Variants in FGF13 observed in about 807,000 individuals in gnomAD.
FGF13 encodes the protein fibroblast growth factor homologous factor 2.
FGF13 carries 2 observed loss-of-function variants against 19.5 expected under a neutral mutation model. That is an observed-to-expected ratio of 0.10 (90% CI 0.04 to 0.32). FGF13 has a LOEUF of 0.32. FGF13 is among the 10% of genes least tolerant of loss of function. The probability of loss-of-function intolerance (pLI) is 1.00; values close to 1 mark genes in which losing one functional copy is unlikely to be tolerated. For synonymous variants in FGF13, 72 were observed against 76.9 expected, an observed-to-expected ratio of 0.94 and a Z score of 0.33; for missense variants, 113 against 192.7, an observed-to-expected ratio of 0.59 and a Z score of 2.45.
At chrX:138,917,546 C>T (rs1169464212) in intron 1 of FGF13, among the ~76,000 whole-genome samples, 1 of 111,855 alleles carries the variant, frequency 8.9e-6, no homozygotes, top group Non-Finnish European at 1.9e-5. Flanking sequence ...AACTAAGACA[C>T]CCACACTTCA....
intron 1 of FGF13, among the ~76,000 whole-genome samples, chrX:138,941,507 G>C (rs1186560496): frequency 9.0e-6 from 1 of 111,719 alleles, no homozygotes; most frequent in Non-Finnish European, 1.9e-5. Context: ...GGAGGTGAAA[G>C]ATTTCTACCA....
intron 3 of FGF13, among the ~76,000 whole-genome samples, chrX:138,684,629 G>A (rs1260635172): frequency 3.6e-5 from 4 of 111,435 alleles, no homozygotes; most frequent in Admixed American, 9.6e-5. Flanking sequence ...ACAAACATTT[G>A]GAAATAAAGG....
chrX:138,833,245 T>A (rs1345948110), intron 3 of FGF13, among the ~76,000 whole-genome samples: 2 of 112,303 alleles, frequency 1.8e-5, no homozygotes, highest in Admixed American at 9.4e-5. Context: ...TATAAATTGC[T>A]TTGGGCAATA....
chrX:138,645,477 T>C (rs746886596), intron 3 of FGF13, among the ~76,000 whole-genome samples: 2 of 112,019 alleles, frequency 1.8e-5, no homozygotes, highest in East Asian at 5.6e-4. Flanking sequence ...TTTCTGACTG[T>C]AGGCAATTCG....
chrX:138,827,008 T>C (rs1182767067), intron 3 of FGF13, among the ~76,000 whole-genome samples: 1 of 112,445 alleles, frequency 8.9e-6, no homozygotes, highest in Non-Finnish European at 1.9e-5. Flanking sequence ...TTATGGCACA[T>C]AGCCGCCTCT....
chrX:138,925,429 G>GA (rs2091667863), intron 1 of FGF13, among the ~76,000 whole-genome samples: 1 of 80,044 alleles, frequency 1.2e-5, no homozygotes, highest in South Asian at 5.9e-4. Context: ...AAGAAAGAAG[G>GA]GGATGACTCA....
chrX:139,005,345 G>A (rs1259293067), intron 1 of FGF13, among the ~76,000 whole-genome samples: 1 of 111,607 alleles, frequency 9.0e-6, no homozygotes, highest in African/African-American at 3.3e-5. Context: ...TGTACTTCTA[G>A]AAGTTGGCAA....
At chrX:139,171,475 C>T (rs2084132242) in intron 1 of FGF13, among the ~76,000 whole-genome samples, 1 of 111,496 alleles carries the variant, frequency 9.0e-6, no homozygotes, top group South Asian at 3.8e-4. Context: ...TCTAATCCAA[C>T]CCTCTACTGT....
intron 1 of FGF13, among the ~76,000 whole-genome samples, chrX:139,141,539 GT>G (rs1340978327): frequency 1.8e-5 from 2 of 111,620 alleles, no homozygotes; most frequent in Non-Finnish European, 3.8e-5. Flanking sequence ...GAATTTCTCT[GT>G]TTCTCTATCA....
intron 3 of FGF13, among the ~76,000 whole-genome samples, chrX:138,814,385 C>T (rs778340282): frequency 4.8e-4 from 53 of 109,338 alleles, no homozygotes; most frequent in Admixed American, 1.3e-3. Context: ...AGCTTCTGCA[C>T]AGCAAAAGAA....
At chrX:138,671,544 T>C (rs1038604082) in intron 3 of FGF13, among the ~76,000 whole-genome samples, 7 of 111,587 alleles carry the variant, frequency 6.3e-5, no homozygotes, top group African/African-American at 2.3e-4. Flanking sequence ...TTCCAGACTC[T>C]GTTCCAGGTA....
chrX:138,956,257 A>G (rs1365506775), intron 1 of FGF13, among the ~76,000 whole-genome samples: 8 of 111,916 alleles, frequency 7.1e-5, no homozygotes, highest in Non-Finnish European at 1.3e-4. Flanking sequence ...AATAAAATAC[A>G]TGTTGTAAAA....
rs374970161 is a variant in FGF13 at position 138,678,695 on chromosome X, A to C, written c.402+24289T>G. On this transcript the variant is annotated intron_variant, in intron 3 of 4. Coordinates refer to ENST00000315930, the MANE Select transcript of FGF13 (RefSeq NM_004114.5). Reference sequence around the variant, plus strand: ...ATATAACATGAACTTGAATGAATGTAGTGTTTCTTTTTCCACTGATAGTCT... The same window carrying C: ...ATATAACATGAACTTGAATGAATGTCGTGTTTCTTTTTCCACTGATAGTCT... Among the ~76,000 whole-genome samples the C allele has an allele frequency of 1.2e-4, 13 of 112,192 alleles. No homozygotes were observed. In the East Asian group the frequency reaches 3.7e-3, roughly 32 times the overall value.
chrX:139,077,522 G>A (rs1039160974), intron 1 of FGF13, among the ~76,000 whole-genome samples: 2 of 111,329 alleles, frequency 1.8e-5, no homozygotes, highest in Non-Finnish European at 3.8e-5. Flanking sequence ...CACCTAGCAC[G>A]GTGCCAGGCA....
chrX:138,871,652 C>T (rs1018655313), intron 1 of FGF13, among the ~76,000 whole-genome samples: 1 of 112,121 alleles, frequency 8.9e-6, no homozygotes, highest in Non-Finnish European at 1.9e-5. Context: ...GACATTGGCG[C>T]AGAGGCTGGA....
chrX:139,192,685 G>C (rs1398365481), intron 1 of FGF13, among the ~76,000 whole-genome samples: 6 of 111,437 alleles, frequency 5.4e-5, no homozygotes, highest in Admixed American at 9.5e-5. Flanking sequence ...TATGTGGTTA[G>C]ACGTGATGCT....
intron 2 of FGF13, among the ~76,000 whole-genome samples, chrX:138,859,607 C>T (rs758467461): frequency 3.1e-4 from 35 of 112,421 alleles, no homozygotes; most frequent in Non-Finnish European, 5.1e-4. Flanking sequence ...AGCTAATAGC[C>T]TTTGGCTGAC....
chrX:138,627,904 A>C lies in FGF13; in HGVS notation c.*4946T>G, dbSNP rs1396883369. 9.0e-6 allele frequency: 1 copy of C among 110,878 alleles called. No individual in the cohort carries two copies. The highest frequency in any genetic ancestry group is 1.9e-5 in the Non-Finnish European group (1 of 53,033). The allele number at this position is 110,878 out of a possible 1,213,427, so 9.1% of individuals were successfully genotyped here. A position where few individuals can be genotyped will look rare whatever the true frequency, so the allele number is the denominator to read the frequency against. ...CTTGTCTGCATTCTTTATTACGGTA[A>C]ATGTGATGAGAAATACAAGATACTT... On this transcript the variant is annotated 3_prime_UTR_variant, in exon 5 of 5. Transcript: ENST00000315930.
Position 138,635,672 on chromosome X carries a change from T to C in FGF13, c.403-17A>G. 8.6e-7 allele frequency: 1 copy of C among 1,165,940 alleles called. No homozygotes were observed. The highest frequency in any genetic ancestry group is 3.0e-5 in the East Asian group (1 of 33,592). ...GAAAAGTTCCTGCAACAAAAGTAAA[T>C]AAACAAAAGTTCAGTGTTTATAGCT... On this transcript the variant is annotated splice_polypyrimidine_tract_variant and intron_variant, in intron 3 of 4. Transcript: ENST00000315930.
Sources: gnomAD v4.1 joint callset for allele counts (sites outside exome capture counted in the v4.1 genomes callset) on GRCh38, gnomAD v4.1.1 for gene constraint, MANE v1.5 for transcripts, NCBI Gene and HGNC (gene_info 2026-07-23, HGNC 2026-07-21) for gene names.